RBFOX1: variants seen among roughly 807,000 people sequenced by gnomAD.
The protein encoded by RBFOX1 is RNA binding protein fox-1 homolog 1.
In RBFOX1, 8 loss-of-function variants were observed where a neutral mutation model predicts 57.7. The observed-to-expected ratio is 0.14, with a 90% CI of 0.08 to 0.25. RBFOX1 has a LOEUF of 0.25. Ranked by LOEUF, RBFOX1 falls within the 10% of genes least tolerant of loss-of-function variation. The pLI is 1.00. For synonymous variants in RBFOX1, 326 were observed against 222.4 expected (o/e 1.47, Z -4.15); for missense variants, 611 against 548.5 (o/e 1.11, Z -1.14).
intron 3 of RBFOX1, among the ~76,000 whole-genome samples, chr16:5,673,501 C>T (rs967494817): frequency 2.0e-5 from 3 of 152,190 alleles, no homozygotes; most frequent in African/African-American, 7.2e-5. Context: ...CATGTTCAAG[C>T]CTCAGCAGGG....
chr16:6,534,006 TATAC>T (rs1200328608), intron 2 of RBFOX1, among the ~76,000 whole-genome samples: 2 of 152,050 alleles, frequency 1.3e-5, no homozygotes, highest in East Asian at 1.9e-4. Flanking sequence ...CATACACACA[TATAC>T]ATACATACAC....
chr16:5,309,806 C>T (rs1245822323), intron 1 of RBFOX1, among the ~76,000 whole-genome samples: 1 of 152,200 alleles, frequency 6.6e-6, no homozygotes, highest in Non-Finnish European at 1.5e-5. Flanking sequence ...TAGAGATTCA[C>T]AGACACAGAA....
chr16:7,434,847 C>G lies in RBFOX1; in HGVS notation c.28-83300C>G, dbSNP rs60046805. On this transcript the variant is annotated intron_variant, in intron 4 of 15. Transcript: ENST00000550418. ...CTCTGCCTCCCAGACTCAAGTGATT[C>G]TCTAGCCTCAGCCTCCTGGGTAGAT... Among the ~76,000 whole-genome samples the G allele has an allele frequency of 7.0e-3, 1,059 of 151,868 alleles. 8 individuals carry two copies. Among genetic ancestry groups the G allele is most frequent in the African/African-American group, 0.024 (1,006 of 41,386 alleles).
Position 7,468,826 on chromosome 16 carries a change from G to C in RBFOX1, c.28-49321G>C, listed in dbSNP as rs148859550. Among the ~76,000 whole-genome samples, 286 of 152,272 alleles carry C rather than the reference G, an allele frequency of 1.9e-3. 1 individual carries two copies. Among genetic ancestry groups the C allele is most frequent in the African/African-American group, 6.3e-3 (262 of 41,558 alleles). On this transcript the variant is annotated intron_variant, in intron 4 of 15. Coordinates refer to ENST00000550418, the MANE Select transcript of RBFOX1 (RefSeq NM_018723.4). ...CTCTTTCTTTTGGGTGGATGCCACT[G>C]ATGGCTGACCAAGAGTCAAGGGTGG...
At chr16:7,511,021 C>T (rs186011912) in intron 4 of RBFOX1, among the ~76,000 whole-genome samples, 1 of 152,134 alleles carries the variant, frequency 6.6e-6, no homozygotes, top group African/African-American at 2.4e-5. Context: ...AGAAGTTTGA[C>T]TATAAAGGTG....
intron 3 of RBFOX1, among the ~76,000 whole-genome samples, chr16:6,942,834 G>A (rs1042532499): frequency 6.6e-6 from 1 of 152,188 alleles, no homozygotes; most frequent in African/African-American, 2.4e-5. Context: ...ACCCTGAACA[G>A]GTTTTGAGGA....
At chr16:6,919,364 A>G (rs1030321533) in intron 3 of RBFOX1, among the ~76,000 whole-genome samples, 1 of 152,156 alleles carries the variant, frequency 6.6e-6, no homozygotes, top group East Asian at 1.9e-4. Flanking sequence ...ATTCCTCACA[A>G]CAGCCCAGCA....
At chr16:5,344,077 C>T (rs1222110509) in intron 1 of RBFOX1, among the ~76,000 whole-genome samples, 1 of 152,152 alleles carries the variant, frequency 6.6e-6, no homozygotes, top group Non-Finnish European at 1.5e-5. Flanking sequence ...ATCCTATTCT[C>T]GTTTTCGGAG....
chr16:5,949,634 T>C (rs1009383955), intron 4 of RBFOX1, among the ~76,000 whole-genome samples: 1 of 152,044 alleles, frequency 6.6e-6, no homozygotes, highest in African/African-American at 2.4e-5. Flanking sequence ...GGTCACCCAC[T>C]CTTTTCTTGT....
chr16:7,442,656 A>G (rs1371211396), intron 4 of RBFOX1, among the ~76,000 whole-genome samples: 1 of 152,116 alleles, frequency 6.6e-6, no homozygotes, highest in African/African-American at 2.4e-5. Flanking sequence ...TGGTTTTATG[A>G]GAAAGCAAGC....
intron 4 of RBFOX1, among the ~76,000 whole-genome samples, chr16:7,465,943 G>T (rs1485320482): frequency 6.6e-6 from 1 of 152,188 alleles, no homozygotes; most frequent in African/African-American, 2.4e-5. Flanking sequence ...TTGCTTAAAA[G>T]AATGACAGAC....
chr16:5,279,536 C>G (rs1023404432), intron 1 of RBFOX1, among the ~76,000 whole-genome samples: 6 of 152,254 alleles, frequency 3.9e-5, no homozygotes, highest in Non-Finnish European at 7.3e-5. Context: ...GAGTCTCACT[C>G]TGTTGCCCAG....
chr16:7,342,939 G>A (rs1375797632), intron 4 of RBFOX1, among the ~76,000 whole-genome samples: 1 of 152,122 alleles, frequency 6.6e-6, no homozygotes, highest in Non-Finnish European at 1.5e-5. Context: ...AAGGAGAGTT[G>A]ATCAGTTTCA....
At chr16:6,331,822 G>C (rs1341517582) in intron 2 of RBFOX1, among the ~76,000 whole-genome samples, 1 of 151,728 alleles carries the variant, frequency 6.6e-6, no homozygotes, top group Non-Finnish European at 1.5e-5. Flanking sequence ...TGTACAAATA[G>C]TTTCTTCTTC....
At chr16:5,682,021 G>A (rs979788541) in intron 3 of RBFOX1, among the ~76,000 whole-genome samples, 2 of 152,118 alleles carry the variant, frequency 1.3e-5, no homozygotes, top group Middle Eastern at 3.2e-3. Flanking sequence ...TGAGCCTGGG[G>A]TTGATATTAG....
intron 4 of RBFOX1, among the ~76,000 whole-genome samples, chr16:7,447,582 C>G (rs1347383978): frequency 4.6e-5 from 7 of 152,108 alleles, no homozygotes; most frequent in African/African-American, 7.2e-5. Context: ...ATTTCTGTTC[C>G]CAGTTGAAAC....
intron 3 of RBFOX1, among the ~76,000 whole-genome samples, chr16:7,014,624 G>A (rs550999524): frequency 6.6e-6 from 1 of 152,106 alleles, no homozygotes. Flanking sequence ...CATTTAAAAG[G>A]TTGGGAAAAT....
chr16:7,122,264 G>C (rs2067357630), intron 4 of RBFOX1, among the ~76,000 whole-genome samples: 1 of 152,064 alleles, frequency 6.6e-6, no homozygotes, highest in African/African-American at 2.4e-5. Flanking sequence ...CAAATGTTCA[G>C]TATCTAGAAT....
chr16:7,359,640 C>A (rs1287361908), intron 4 of RBFOX1, among the ~76,000 whole-genome samples: 1 of 152,178 alleles, frequency 6.6e-6, no homozygotes, highest in Admixed American at 6.5e-5. Flanking sequence ...TTGCTGTCTA[C>A]AGCACGTCTC....
Sources: allele counts gnomAD v4.1 joint callset (sites outside exome capture counted in the v4.1 genomes callset), GRCh38; gene constraint gnomAD v4.1.1; transcripts MANE v1.5; gene names NCBI Gene and HGNC (gene_info 2026-07-23, HGNC 2026-07-21).